Variants in SORL1-AS1 observed in about 807,000 individuals in gnomAD.
SORL1-AS1 encodes the protein SORL1 antisense RNA 1, also known as lncRNA 51 A.
downstream of SORL1-AS1, among the ~76,000 whole-genome samples, chr11:121,442,795 C>T (rs980228160): frequency 2.7e-5 from 4 of 150,654 alleles, no homozygotes; most frequent in Non-Finnish European, 5.9e-5. Flanking sequence ...TCTCCTGCCT[C>T]AGCCTCCCGA....
At position 121,452,451 on chromosome 11, in the gene SORL1-AS1, G is replaced by T. The variant is rs1020547238; in HGVS notation, n.339+224C>A. 7 of 1,509,114 alleles carry T rather than the reference G, an allele frequency of 4.6e-6. No individual in the cohort carries two copies. Among genetic ancestry groups the T allele is most frequent in the Non-Finnish European group, 6.2e-6 (7 of 1,130,480 alleles). The allele number at this position is 1,509,114 out of a possible 1,614,324, so 93.5% of individuals were successfully genotyped here. On this transcript the variant is annotated intron_variant and non_coding_transcript_variant, in intron 1 of 1. Coordinates refer to ENST00000501964, the Ensembl canonical transcript of SORL1-AS1. This position sits in a 1 kb window ranked among gnomAD's most constrained non-coding sequence, Gnocchi z 5.3. ...CGCAGAGGCTGCACGGCGGCAGCGC[G>T]CCCTTGCCCCAGGACCGGGGCTTCC...
At chr11:121,444,095 G>GGTGT, downstream of SORL1-AS1, among the ~76,000 whole-genome samples, 1 of 151,084 alleles carries the variant, frequency 6.6e-6, no homozygotes, top group South Asian at 2.1e-4. Context: ...TGTGCGCGTG[G>GGTGT]GTGTGTGTGT....
chr11:121,441,102 G>C, the SORL1-AS1 span, among the ~76,000 whole-genome samples: 1 of 152,044 alleles, frequency 6.6e-6, no homozygotes, highest in Non-Finnish European at 1.5e-5. Context: ...CTAATTTTTA[G>C]GCCCATTATC....
At chr11:121,448,846 G>A (rs1019524798) in exon 2 of SORL1-AS1, 1 of 152,150 alleles carries the variant, frequency 6.6e-6, no homozygotes, top group Non-Finnish European at 1.5e-5. Flanking sequence ...AAGGCTACAG[G>A]GGACTAGAGC....
At chr11:121,447,707 A>AACAGG (rs769658059) in exon 2 of SORL1-AS1, 4 of 152,104 alleles carry the variant, frequency 2.6e-5, no homozygotes, top group Non-Finnish European at 5.9e-5. Flanking sequence ...AAGTATAGAA[A>AACAGG]ACAGGACTGG....
downstream of SORL1-AS1, among the ~76,000 whole-genome samples, chr11:121,443,187 C>T (rs866297890): frequency 3.9e-5 from 6 of 152,148 alleles, no homozygotes; most frequent in African/African-American, 9.7e-5. Flanking sequence ...TCATTCTCAA[C>T]ATTCGTTATG....
downstream of SORL1-AS1, among the ~76,000 whole-genome samples, chr11:121,444,514 C>T (rs892652813): frequency 3.3e-5 from 5 of 152,322 alleles, no homozygotes; most frequent in East Asian, 1.9e-4. Flanking sequence ...GGGCTTCTGA[C>T]GTCACGCCTC....
the SORL1-AS1 span, among the ~76,000 whole-genome samples, chr11:121,438,283 C>A: frequency 6.6e-6 from 1 of 152,174 alleles, no homozygotes; most frequent in Non-Finnish European, 1.5e-5. Context: ...AGAAGCAACT[C>A]ATTTCATCCC....
chr11:121,446,281 A>G (rs1328833770), downstream of SORL1-AS1, among the ~76,000 whole-genome samples: 1 of 152,212 alleles, frequency 6.6e-6, no homozygotes, highest in Non-Finnish European at 1.5e-5. Flanking sequence ...CATGATCAAC[A>G]TCTCAAAAGA....
Position 121,452,467 on chromosome 11 carries a change from C to T in SORL1-AS1, n.339+208G>A, listed in dbSNP as rs200826396. On this transcript the variant is annotated intron_variant and non_coding_transcript_variant, in intron 1 of 1. Transcript: ENST00000501964. The surrounding 1 kb of genome is among the most constrained non-coding windows in gnomAD (Gnocchi z 5.3). ...CGGCAGCGCGCCCTTGCCCCAGGAC[C>T]GGGGCTTCCTCGTGGTGCAGGGCGA... The T allele has an allele frequency of 6.6e-7, 1 of 1,507,154 alleles. No individual in the cohort carries two copies. The highest frequency in any genetic ancestry group is 8.9e-7 in the Non-Finnish European group (1 of 1,128,914). 93.4% of individuals were successfully genotyped at this position (1,507,154 alleles called of 1,614,324 possible). A position where few individuals can be genotyped will look rare whatever the true frequency, so the allele number is the denominator to read the frequency against.
chr11:121,442,608 C>T (rs951565956), downstream of SORL1-AS1, among the ~76,000 whole-genome samples: 3 of 151,258 alleles, frequency 2.0e-5, no homozygotes, highest in Admixed American at 6.6e-5. Flanking sequence ...GTACTCCAGC[C>T]TGGGTGACAG....
At chr11:121,441,305 C>T in the SORL1-AS1 span, among the ~76,000 whole-genome samples, 1,218 of 150,978 alleles carry the variant, frequency 8.1e-3, 13 homozygotes, top group African/African-American at 0.028. Flanking sequence ...GGGCAGATCA[C>T]GAGGTCAGGA....
In SORL1-AS1 at chr11:121,452,299, G is replaced by C; in HGVS notation, n.339+376C>G. 6.8e-7 allele frequency: 1 copy of C among 1,467,776 alleles called. No individual in the cohort carries two copies. Among genetic ancestry groups the C allele is most frequent in the Non-Finnish European group, 9.0e-7 (1 of 1,108,274 alleles). The allele number at this position is 1,467,776 out of a possible 1,614,324, so 90.9% of individuals were successfully genotyped here. A position where few individuals can be genotyped will look rare whatever the true frequency, so the allele number is the denominator to read the frequency against. ...CTCGCGCTGCACATTCTCTCCTGGC[G>C]GCGGCGCCACCTGCAGTAGCGTTCG... On this transcript the variant is annotated intron_variant and non_coding_transcript_variant, in intron 1 of 1. Coordinates refer to ENST00000501964, the Ensembl canonical transcript of SORL1-AS1. The surrounding 1 kb of genome is among the most constrained non-coding windows in gnomAD (Gnocchi z 5.3).
At chr11:121,449,479 TG>T (rs1860762733) in exon 2 of SORL1-AS1, 1 of 152,172 alleles carries the variant, frequency 6.6e-6, no homozygotes, top group Non-Finnish European at 1.5e-5. Context: ...CACAACCCAG[TG>T]GGGGTCCTGA....
chr11:121,446,439 T>C (rs1273908548), downstream of SORL1-AS1, among the ~76,000 whole-genome samples: 4 of 152,088 alleles, frequency 2.6e-5, no homozygotes, highest in Admixed American at 2.0e-4. Flanking sequence ...TGGGGGATCC[T>C]AGGTTTCTGT....
At chr11:121,449,181 T>A (rs1031651904) in exon 2 of SORL1-AS1, 1 of 152,196 alleles carries the variant, frequency 6.6e-6, no homozygotes, top group African/African-American at 2.4e-5. Flanking sequence ...GGCTTAAGAC[T>A]GTTTTATACA....
At chr11:121,440,803 GTCCAT>G in the SORL1-AS1 span, among the ~76,000 whole-genome samples, 1 of 152,188 alleles carries the variant, frequency 6.6e-6, no homozygotes, top group Admixed American at 6.5e-5. Context: ...CTACGTAGCT[GTCCAT>G]TCTTCATCAA....
the SORL1-AS1 span, among the ~76,000 whole-genome samples, chr11:121,439,543 G>T: frequency 6.6e-6 from 1 of 151,964 alleles, no homozygotes; most frequent in Non-Finnish European, 1.5e-5. Context: ...TCTTGGCTCT[G>T]TCTGTATATC....
chr11:121,445,952 T>G (rs1255387714), downstream of SORL1-AS1, among the ~76,000 whole-genome samples: 1 of 152,160 alleles, frequency 6.6e-6, no homozygotes, highest in East Asian at 1.9e-4. Flanking sequence ...ACCCCCTTCT[T>G]GCTCAGGCTG....
Sources: allele counts gnomAD v4.1 joint callset (sites outside exome capture counted in the v4.1 genomes callset), GRCh38; gene constraint gnomAD v4.1.1; non-coding constraint Gnocchi (gnomAD v3.1); transcripts MANE v1.5; gene names NCBI Gene and HGNC (gene_info 2026-07-23, HGNC 2026-07-21).